The following DLGAP2 variants were observed in gnomAD, a reference collection of about 807,000 sequenced individuals.
DLGAP2 encodes disks large-associated protein 2.
A neutral mutation model predicts 100.3 loss-of-function variants in DLGAP2; 26 were observed. The ratio of observed to expected loss-of-function variants is 0.26; its 90% confidence interval spans 0.19 to 0.36. The LOEUF (loss-of-function observed/expected upper bound fraction) is 0.36, where lower values mean the gene tolerates loss of function less well. Ranked by LOEUF, DLGAP2 falls within the 10% of genes least tolerant of loss-of-function variation. The probability of loss-of-function intolerance (pLI) is 1.00; values close to 1 mark genes in which losing one functional copy is unlikely to be tolerated. For synonymous variants in DLGAP2, 886 were observed against 630.1 expected, an observed-to-expected ratio of 1.41 and a Z score of -6.08; for missense variants, 1,858 against 1,453.2, an observed-to-expected ratio of 1.28 and a Z score of -4.53.
intron 1 of DLGAP2, among the ~76,000 whole-genome samples, chr8:863,656 A>G (rs1797435518): frequency 6.6e-6 from 1 of 152,190 alleles, no homozygotes. Context: ...GGGGAGATAC[A>G]AATCAAAACC....
At chr8:1,478,133 CCT>C (rs928870742) in intron 3 of DLGAP2, among the ~76,000 whole-genome samples, 1 of 152,154 alleles carries the variant, frequency 6.6e-6, no homozygotes, top group Non-Finnish European at 1.5e-5. Flanking sequence ...AATGAAATGC[CCT>C]CTGTTTTTTA....
chr8:968,427 C>T (rs1266743739), intron 2 of DLGAP2, among the ~76,000 whole-genome samples: 1 of 152,148 alleles, frequency 6.6e-6, no homozygotes, highest in African/African-American at 2.4e-5. Flanking sequence ...ACAGGAAGTC[C>T]ACAGGGAGGA....
intron 6 of DLGAP2, among the ~76,000 whole-genome samples, chr8:1,607,636 A>T (rs892524574): frequency 6.6e-6 from 1 of 152,240 alleles, no homozygotes; most frequent in Non-Finnish European, 1.5e-5. Flanking sequence ...TACCGGGTTC[A>T]TCTCACTAGG....
rs1382093781 is a variant in DLGAP2, at chr8:1,267,637, G to GAAATAAAATAAAATAAAATAAAATAAAA, written c.106+8754_106+8755insAAATAAAATAAAATAAAATAAAATAAAA. Among the ~76,000 whole-genome samples, 322 of 91,914 alleles carry GAAATAAAATAAAATAAAATAAAATAAAA rather than the reference G, an allele frequency of 3.5e-3. 16 individuals are homozygous for GAAATAAAATAAAATAAAATAAAATAAAA. The highest frequency in any genetic ancestry group is 0.012 in the African/African-American group (274 of 23,126). 60.3% of individuals were successfully genotyped at this position (91,914 alleles called of 152,430 possible). ...ATAAGATAAGATAAATATTAAATAG[G>GAAATAAAATAAAATAAAATAAAATAAAA]TCTACAAAAAGGCCTCCAGGGTCAG... On this transcript the variant is annotated intron_variant, in intron 3 of 14. Transcript: ENST00000637795.
intron 4 of DLGAP2, among the ~76,000 whole-genome samples, chr8:1,509,389 G>A (rs1255844155): frequency 1.3e-5 from 2 of 151,720 alleles, no homozygotes; most frequent in Admixed American, 1.3e-4. Context: ...GATAATAAGA[G>A]CACATGTCTA....
chr8:1,568,378 C>G (rs1355837824), intron 6 of DLGAP2, among the ~76,000 whole-genome samples: 2 of 131,216 alleles, frequency 1.5e-5, no homozygotes, highest in African/African-American at 6.4e-5. Flanking sequence ...ACTCAGCACA[C>G]ACAAATCCAC....
chr8:1,591,535 C>T (rs181305232), intron 6 of DLGAP2, among the ~76,000 whole-genome samples: 2,174 of 124,554 alleles, frequency 0.017, 22 homozygotes, highest in Middle Eastern at 0.035. Flanking sequence ...CTAACCCCCT[C>T]CTCCCACTCC....
intron 3 of DLGAP2, among the ~76,000 whole-genome samples, chr8:1,336,970 G>A (rs1801288795): frequency 6.6e-6 from 1 of 152,156 alleles, no homozygotes; most frequent in Admixed American, 6.5e-5. Flanking sequence ...CTAAAATGAA[G>A]ATATTATTGA....
intron 1 of DLGAP2, among the ~76,000 whole-genome samples, chr8:901,660 C>G (rs1380134601): frequency 6.6e-6 from 1 of 152,080 alleles, no homozygotes; most frequent in Non-Finnish European, 1.5e-5. Flanking sequence ...AGGGTTTGGA[C>G]CGGAAGTTGA....
chr8:1,548,924 C>A lies in DLGAP2; in HGVS notation c.471C>A (p.Ser157=), dbSNP rs750104011. ...CGGTGGTGCTGGGCGACCACGTGTC[C>A]AGCAGCACCTTCCCGCGGATGCACT... is the stretch of plus-strand genomic sequence containing the variant. ...MMPVVLGDHV[S]SSTFPRMHYS... The change falls in exon 5 of 15, where the codon TCC becomes TCA. Residue 157 remains serine, a synonymous_variant. Transcript: ENST00000637795. 2.5e-6 allele frequency: 4 copies of A among 1,598,356 alleles called. No homozygotes were observed. Among genetic ancestry groups the A allele is most frequent in the African/African-American group, 2.7e-5 (2 of 75,030 alleles).
At chr8:1,306,846 A>G (rs1319013502) in intron 3 of DLGAP2, among the ~76,000 whole-genome samples, 1 of 152,236 alleles carries the variant, frequency 6.6e-6, no homozygotes, top group African/African-American at 2.4e-5. Context: ...ATATCAACAT[A>G]TAAATAATGA....
intron 1 of DLGAP2, among the ~76,000 whole-genome samples, chr8:799,383 C>A (rs971034486): frequency 6.6e-6 from 1 of 151,942 alleles, no homozygotes; most frequent in African/African-American, 2.4e-5. Flanking sequence ...GCAGCAGGAT[C>A]CTGGGTGCCT....
intron 4 of DLGAP2, among the ~76,000 whole-genome samples, chr8:1,539,902 C>T (rs1801301115): frequency 6.6e-6 from 1 of 152,194 alleles, no homozygotes. Flanking sequence ...CTCAGTCCAT[C>T]CTCAACAGCC....
At chr8:1,041,766 G>A (rs1171677043) in intron 2 of DLGAP2, among the ~76,000 whole-genome samples, 4 of 143,114 alleles carry the variant, frequency 2.8e-5, no homozygotes, top group Admixed American at 7.0e-5. Context: ...GCCCCTTGCC[G>A]TGGGTCTGCG....
rs111574737 is a variant in DLGAP2, at chr8:976,759, C to T, written c.73+68793C>T. On this transcript the variant is annotated intron_variant, in intron 2 of 14. Transcript: ENST00000637795. ...ACATGCAAGAAAAAATGGATGTAGA[C>T]GTAAACCTTTGACTTATAAAAAACA... Among the ~76,000 whole-genome samples the T allele has an allele frequency of 3.0e-3, 463 of 152,150 alleles. 3 individuals carry two copies. The highest frequency in any genetic ancestry group is 0.011 in the African/African-American group (440 of 41,488).
rs139374702 is a variant in DLGAP2 at position 823,393 on chromosome 8, C to G, written c.19-84519C>G. Reference sequence around the variant, plus strand: ...AGACAGTTCACAGTACGCTTGTCAACTCTCCATTGAAACTCCCTGTAACTA... The same window carrying G: ...AGACAGTTCACAGTACGCTTGTCAAGTCTCCATTGAAACTCCCTGTAACTA... On this transcript the variant is annotated intron_variant, in intron 1 of 14. Coordinates refer to ENST00000637795, the MANE Select transcript of DLGAP2 (RefSeq NM_001346810.2). Among the ~76,000 whole-genome samples, 9 of 152,224 alleles carry G rather than the reference C, an allele frequency of 5.9e-5. No homozygotes were observed. The East Asian group carries it at 1.7e-3, about 29-fold the overall frequency.
At chr8:1,177,742 G>A (rs1333925600) in intron 2 of DLGAP2, among the ~76,000 whole-genome samples, 6 of 152,126 alleles carry the variant, frequency 3.9e-5, no homozygotes, top group African/African-American at 1.4e-4. Flanking sequence ...TTCGATGTCT[G>A]GTGAGGGCTG....
rs77615298 is a variant in DLGAP2, at chr8:1,410,253, G to A, written c.107-91113G>A. 3.5e-3 allele frequency among the ~76,000 whole-genome samples: 535 copies of A among 152,294 alleles called. 9 individuals are homozygous for A. The East Asian group carries it at 0.048, about 14-fold the overall frequency. ...GGCTTCAGAGCAGAATCTTTGCATT[G>A]TGAGGCACTGGCAATGAGGATACCA... On this transcript the variant is annotated intron_variant, in intron 3 of 14. Coordinates refer to ENST00000637795, the MANE Select transcript of DLGAP2 (RefSeq NM_001346810.2).
At chr8:1,041,896 G>T (rs1159642467) in intron 2 of DLGAP2, among the ~76,000 whole-genome samples, 1 of 152,220 alleles carries the variant, frequency 6.6e-6, no homozygotes, top group East Asian at 1.9e-4. Flanking sequence ...GCGGAAGAAT[G>T]TCGGGTAACC....
Sources: allele counts gnomAD v4.1 joint callset (sites outside exome capture counted in the v4.1 genomes callset), GRCh38; gene constraint gnomAD v4.1.1; transcripts MANE v1.5; gene names NCBI Gene and HGNC (gene_info 2026-07-23, HGNC 2026-07-21).